The following PANK3 variants were observed in gnomAD, a reference collection of about 807,000 sequenced individuals.
PANK3 encodes hPanK3.
PANK3 carries 20 observed loss-of-function variants against 39.4 expected under a neutral mutation model. The observed-to-expected ratio is 0.51, with a 90% CI of 0.36 to 0.74. PANK3 has a LOEUF of 0.74. PANK3 is among the 30% of genes least tolerant of loss of function. PANK3 has a pLI of 0.00. For synonymous variants in PANK3, 140 were observed against 157.3 expected, an observed-to-expected ratio of 0.89 and a Z score of 0.82; for missense variants, 265 against 437.0, an observed-to-expected ratio of 0.61 and a Z score of 3.51.
intron 5 of PANK3, among the ~76,000 whole-genome samples, chr5:168,560,107 TG>T (rs1448671125): frequency 2.0e-5 from 3 of 152,204 alleles, no homozygotes; most frequent in African/African-American, 7.2e-5. Context: ...TTAACTCAAT[TG>T]GTCAGTGGAA....
chr5:168,563,947 C>A lies in PANK3; in HGVS notation c.754G>T (p.Asp252Tyr). The change falls in exon 4 of 7, where the codon GAT becomes TAT. Residue 252 changes from aspartate to tyrosine, a missense_variant. Transcript: ENST00000239231. ...DSTQADKLVR[D>Y]IYGGDYERFG... is the part of the protein sequence containing the mutation. ...CTTTCATAATCTCCTCCATAAATAT[C>A]ACGGACCAGCTTGTCAGCTTGTGTG... The A allele has an allele frequency of 2.5e-6, 4 of 1,612,882 alleles. No homozygotes were observed. The highest frequency in any genetic ancestry group is 3.4e-6 in the Non-Finnish European group (4 of 1,179,408).
rs1561838573 is a variant in PANK3 at position 168,556,688 on chromosome 5, A to G, written c.*883T>C. ...ATTTTTCAGTGACTAGACTGTGAAT[A>G]TTTACAGATGAATTTTCTATTATTA... On this transcript the variant is annotated 3_prime_UTR_variant, in exon 7 of 7. Transcript: ENST00000239231. 1.3e-5 allele frequency: 2 copies of G among 152,642 alleles called. No individual in the cohort carries two copies. The allele number at this position is 152,642 out of a possible 1,614,324, so 9.5% of individuals were successfully genotyped here. A position where few individuals can be genotyped will look rare whatever the true frequency, so the allele number is the denominator to read the frequency against.
intron 3 of PANK3, 126 bp downstream of exon 3, chr5:168,565,887 T>TATCTATA: frequency 7.1e-6 from 1 of 141,246 alleles, no homozygotes; most frequent in East Asian, 3.9e-4. Flanking sequence ...ATATATATAT[T>TATCTATA]TTTTTTTTTT....
intron 1 of PANK3, among the ~76,000 whole-genome samples, chr5:168,569,484 G>T (rs1234663283): frequency 6.6e-6 from 1 of 151,804 alleles, no homozygotes; most frequent in African/African-American, 2.4e-5. Context: ...GAGCCACCGC[G>T]CTCGGCCCTT....
rs1425250824 is a variant in PANK3, at chr5:168,555,767, T to C, written c.*1804A>G. The C allele has an allele frequency of 2.0e-5, 3 of 152,260 alleles. No homozygotes were observed. The highest frequency in any genetic ancestry group is 4.4e-5 in the Non-Finnish European group (3 of 68,046). 9.4% of individuals were successfully genotyped at this position (152,260 alleles called of 1,614,324 possible). A position where few individuals can be genotyped will look rare whatever the true frequency, so the allele number is the denominator to read the frequency against. On this transcript the variant is annotated 3_prime_UTR_variant, in exon 7 of 7. Coordinates refer to ENST00000239231, the MANE Select transcript of PANK3 (RefSeq NM_024594.4). ...AGAACTCTCTCTTACAAATGAACAC[T>C]ATCACTGTCGTTGAAAACTTTCTTG...
intron 1 of PANK3, among the ~76,000 whole-genome samples, chr5:168,576,348 T>C (rs1759730454): frequency 6.6e-6 from 1 of 152,250 alleles, no homozygotes; most frequent in African/African-American, 2.4e-5. Flanking sequence ...TAAATACATG[T>C]ATCACCTTTT....
At chr5:168,570,370 G>A (rs1305225657) in intron 1 of PANK3, among the ~76,000 whole-genome samples, 2 of 141,796 alleles carry the variant, frequency 1.4e-5, no homozygotes, top group Admixed American at 7.5e-5. Context: ...GGGCGACGGA[G>A]CAAGACTCCG....
chr5:168,564,067 T>TTGTCCC lies in PANK3; in HGVS notation c.636-3_636-2insGGGACA, dbSNP rs1173822095. 1 of 1,579,006 alleles carries TTGTCCC rather than the reference T, an allele frequency of 6.3e-7. No individual in the cohort carries two copies. The highest frequency in any genetic ancestry group is 1.2e-5 in the South Asian group (1 of 84,562). On this transcript the variant is annotated splice_region_variant and splice_polypyrimidine_tract_variant and intron_variant, in intron 3 of 6. Coordinates refer to ENST00000239231, the MANE Select transcript of PANK3 (RefSeq NM_024594.4). ...CCCAGAAAGGTACCCCCTCCAAGGC[T>TTGTCCC]AAAGAAAATAAAGAAACTTGCTAAG...
chr5:168,548,527 T>C lies in PANK3; in HGVS notation c.*9044A>G, dbSNP rs552337126. The C allele has an allele frequency of 6.6e-6, 1 of 152,100 alleles. No individual in the cohort carries two copies. 9.4% of individuals were successfully genotyped at this position (152,100 alleles called of 1,614,324 possible). ...CAACTTAGATAATTTATTTAGAAAGTAGAAAATAAAAAGTATGATTCTAAC... is the reference window on the plus strand; with the variant it reads ...CAACTTAGATAATTTATTTAGAAAGCAGAAAATAAAAAGTATGATTCTAAC... On this transcript the variant is annotated 3_prime_UTR_variant, in exon 7 of 7. Transcript: ENST00000239231.
chr5:168,578,040 TTTAA>T (rs1759755730), intron 1 of PANK3, among the ~76,000 whole-genome samples: 1 of 152,208 alleles, frequency 6.6e-6, no homozygotes, highest in African/African-American at 2.4e-5. Flanking sequence ...TTTTAAAAAT[TTTAA>T]TTAACAGATG....
At chr5:168,562,214 A>C (rs1406859959) in intron 4 of PANK3, among the ~76,000 whole-genome samples, 1 of 152,144 alleles carries the variant, frequency 6.6e-6, no homozygotes, top group Non-Finnish European at 1.5e-5. Flanking sequence ...ATCCAAACAA[A>C]GGCTAACCCC....
chr5:168,578,715 A>C (rs1759773622), intron 1 of PANK3: 1 of 152,378 alleles, frequency 6.6e-6, no homozygotes, highest in African/African-American at 2.4e-5. Flanking sequence ...TTTCTAAAAC[A>C]AACATGAACT....
chr5:168,561,372 T>TCC, intron 5 of PANK3, 21 bp downstream of exon 5: 2 of 1,560,722 alleles, frequency 1.3e-6, no homozygotes, highest in Non-Finnish European at 1.7e-6. Context: ...AATTCAAGTT[T>TCC]TGTGTTTTTT....
At position 168,565,998 on chromosome 5, in the gene PANK3, CA is replaced by C. The variant is rs757380043; in HGVS notation, c.635+14del. 2 of 1,594,486 alleles carry C rather than the reference CA, an allele frequency of 1.3e-6. No homozygotes were observed. The highest frequency in any genetic ancestry group is 1.7e-6 in the Non-Finnish European group (2 of 1,166,008). On this transcript the variant is annotated intron_variant, in intron 3 of 6. Coordinates refer to ENST00000239231, the MANE Select transcript of PANK3 (RefSeq NM_024594.4). ...AACAATGTGAATGCAGCAATACAACCAAAAAGGTCACTACCTTGTCCCAGTC... is the reference window on the plus strand; with the variant it reads ...AACAATGTGAATGCAGCAATACAACCAAAAGGTCACTACCTTGTCCCAGTC...
intron 6 of PANK3, among the ~76,000 whole-genome samples, chr5:168,558,737 G>A (rs1037959208): frequency 7.9e-5 from 12 of 152,186 alleles, no homozygotes; most frequent in African/African-American, 2.4e-4. Flanking sequence ...GGGCATGGTG[G>A]CTCACACCTA....
rs190367659 is a variant in PANK3 at position 168,564,857 on chromosome 5, A to G, written c.636-792T>C. Reference sequence around the variant, plus strand: ...TTCACATGACCTACACATAAATACAATGAGTAAATTTATGTCCAGCTGGCC... The same window carrying G: ...TTCACATGACCTACACATAAATACAGTGAGTAAATTTATGTCCAGCTGGCC... On this transcript the variant is annotated intron_variant, in intron 3 of 6. Coordinates refer to ENST00000239231, the MANE Select transcript of PANK3 (RefSeq NM_024594.4). 3.4e-3 allele frequency among the ~76,000 whole-genome samples: 518 copies of G among 152,354 alleles called. 2 individuals carry two copies. Among genetic ancestry groups the G allele is most frequent in the Non-Finnish European group, 6.5e-3 (440 of 68,030 alleles).
chr5:168,561,350 C>G (rs1273790753), intron 5 of PANK3, 43 bp downstream of exon 5: 2 of 1,529,614 alleles, frequency 1.3e-6, no homozygotes, highest in African/African-American at 2.8e-5. Flanking sequence ...GACTCCAATT[C>G]ACATTTTTGA....
rs1759262541 is a variant in PANK3, at chr5:168,550,707, C to A, written c.*6864G>T. 6.6e-6 allele frequency: 1 copy of A among 152,018 alleles called. No individual in the cohort carries two copies. Among genetic ancestry groups the A allele is most frequent in the Admixed American group, 6.6e-5 (1 of 15,246 alleles). 9.4% of individuals were successfully genotyped at this position (152,018 alleles called of 1,614,324 possible). A position where few individuals can be genotyped will look rare whatever the true frequency, so the allele number is the denominator to read the frequency against. ...ATTATATAAGCACTAAATATTAACT[C>A]CAAAACATGACACCAAATACCTGAA... On this transcript the variant is annotated 3_prime_UTR_variant, in exon 7 of 7. Transcript: ENST00000239231.
chr5:168,574,720 G>A (rs1028647958), intron 1 of PANK3, among the ~76,000 whole-genome samples: 4 of 152,142 alleles, frequency 2.6e-5, no homozygotes, highest in African/African-American at 9.7e-5. Context: ...AATTAGCCAG[G>A]CTTGGTGGCG....
Sources: allele counts gnomAD v4.1 joint callset (sites outside exome capture counted in the v4.1 genomes callset), GRCh38; gene constraint gnomAD v4.1.1; transcripts MANE v1.5; gene names NCBI Gene and HGNC (gene_info 2026-07-23, HGNC 2026-07-21).